ARMC8: variants seen among roughly 807,000 people sequenced by gnomAD.
ARMC8 encodes the protein armadillo repeat containing 8.
Under a neutral mutation model 99.3 loss-of-function variants are expected in ARMC8, and 20 were observed. The ratio of observed to expected loss-of-function variants is 0.20; its 90% CI spans 0.14 to 0.29. The LOEUF (loss-of-function observed/expected upper bound fraction) is 0.29, where lower values mean the gene tolerates loss of function less well. Ranked by LOEUF, ARMC8 falls within the 10% of genes least tolerant of loss-of-function variation. The pLI, the probability that ARMC8 is intolerant of heterozygous loss-of-function variation, is 1.00. For missense variants in ARMC8, 569 were observed against 809.5 expected (o/e 0.70, Z 3.60); for synonymous variants, 263 against 278.3 (o/e 0.95, Z 0.55).
chr3:138,275,834 C>T (rs932579726), intron 18 of ARMC8, among the ~76,000 whole-genome samples: 2 of 152,072 alleles, frequency 1.3e-5, no homozygotes, highest in African/African-American at 4.8e-5. Context: ...TACGTGATAT[C>T]TCTTAAAATT....
At chr3:138,263,563 G>C (rs2047965037) in intron 12 of ARMC8, 176 bp from the exon 13 acceptor site, 6 of 641,174 alleles carry the variant, frequency 9.4e-6, no homozygotes, top group East Asian at 2.7e-5. Context: ...TAGTGGGCTA[G>C]ACCTACCTTT....
rs1009592395 is a variant in ARMC8 at position 138,274,396 on chromosome 3, C to T, written c.1630-53C>T. 1.6e-5 allele frequency: 19 copies of T among 1,205,002 alleles called. 1 individual carries two copies. The highest frequency in any genetic ancestry group is 3.7e-5 in the Admixed American group (2 of 54,378). The allele number at this position is 1,205,002 out of a possible 1,614,324, so 74.6% of individuals were successfully genotyped here. A position where few individuals can be genotyped will look rare whatever the true frequency, so the allele number is the denominator to read the frequency against. On this transcript the variant is annotated intron_variant, in intron 17 of 21. Transcript: ENST00000469044. Reference sequence around the variant, plus strand: ...TTTTAACTTTTAGAAGCCTTGTATTCGTCCTGTGGTCTTTGTTTCTTTGAT... The same window carrying T: ...TTTTAACTTTTAGAAGCCTTGTATTTGTCCTGTGGTCTTTGTTTCTTTGAT...
intron 11 of ARMC8, among the ~76,000 whole-genome samples, chr3:138,244,373 G>T (rs1401558289): frequency 6.6e-6 from 1 of 152,104 alleles, no homozygotes. Context: ...TGCCTCCTGG[G>T]TTCACACCAT....
intron 19 of ARMC8, among the ~76,000 whole-genome samples, chr3:138,285,092 C>T (rs571925178): frequency 6.6e-6 from 1 of 152,344 alleles, no homozygotes; most frequent in East Asian, 1.9e-4. Context: ...TCTTCTCTAT[C>T]CCTGCCATGT....
At chr3:138,247,676 G>A (rs879312096) in intron 12 of ARMC8, among the ~76,000 whole-genome samples, 3 of 152,160 alleles carry the variant, frequency 2.0e-5, no homozygotes, top group East Asian at 3.8e-4. Flanking sequence ...GGAGAAGGAC[G>A]CTGGCCTCTC....
intron 11 of ARMC8, 103 bp downstream of exon 11, chr3:138,242,086 T>C: frequency 3.5e-6 from 3 of 863,282 alleles, no homozygotes; most frequent in Non-Finnish European, 5.4e-6. Context: ...TAAAGCCCTT[T>C]TAAATAAAGG....
chr3:138,223,321 T>C, intron 3 of ARMC8, 68 bp from the exon 4 acceptor site: 1 of 1,481,834 alleles, frequency 6.7e-7, no homozygotes, highest in East Asian at 2.3e-5. Context: ...CTGCACAGCC[T>C]TTTTTGGTCA....
intron 12 of ARMC8, among the ~76,000 whole-genome samples, chr3:138,250,168 C>T (rs1253965135): frequency 6.6e-6 from 1 of 152,028 alleles, no homozygotes; most frequent in Non-Finnish European, 1.5e-5. Flanking sequence ...AAGAATTTGT[C>T]TTCTATCCTC....
intron 1 of ARMC8, among the ~76,000 whole-genome samples, chr3:138,199,858 G>A (rs1428815452): frequency 6.6e-6 from 1 of 152,170 alleles, no homozygotes; most frequent in East Asian, 1.9e-4. Flanking sequence ...TGTACTTGGT[G>A]GCATTTTAGT....
intron 19 of ARMC8, among the ~76,000 whole-genome samples, chr3:138,286,666 T>C (rs1250974043): frequency 6.6e-6 from 1 of 152,192 alleles, no homozygotes; most frequent in Non-Finnish European, 1.5e-5. Context: ...AGATCTAGGG[T>C]TATAGCCTGG....
At chr3:138,242,408 T>A (rs908304086) in intron 11 of ARMC8, among the ~76,000 whole-genome samples, 1 of 152,226 alleles carries the variant, frequency 6.6e-6, no homozygotes, top group African/African-American at 2.4e-5. Context: ...TTGTTACCTT[T>A]CCCTATCTTC....
In ARMC8 at chr3:138,269,798, G is replaced by A. The variant is rs189227437; in HGVS notation, c.1387-242G>A. On this transcript the variant is annotated intron_variant, in intron 15 of 21. Transcript: ENST00000469044. ...TACAAGGATAAAAGGAAATGACAGA[G>A]TGGTTTGGTTTTGTTTTCTTTCTTT... Among the ~76,000 whole-genome samples, 187 of 149,548 alleles carry A rather than the reference G, an allele frequency of 1.3e-3. 1 individual carries two copies. Among genetic ancestry groups the A allele is most frequent in the African/African-American group, 4.5e-3 (184 of 40,796 alleles).
intron 1 of ARMC8, among the ~76,000 whole-genome samples, chr3:138,202,483 A>G (rs539825374): frequency 6.6e-6 from 1 of 152,278 alleles, no homozygotes; most frequent in East Asian, 1.9e-4. Context: ...CCCTTGTCAA[A>G]GCAAATTACC....
At chr3:138,259,204 T>C (rs774632061) in intron 12 of ARMC8, among the ~76,000 whole-genome samples, 1 of 152,222 alleles carries the variant, frequency 6.6e-6, no homozygotes, top group Admixed American at 6.5e-5. Flanking sequence ...TCCAATCCCA[T>C]GTTTGAAAAG....
chr3:138,247,336 G>A (rs2108201100), intron 12 of ARMC8, among the ~76,000 whole-genome samples: 1 of 152,178 alleles, frequency 6.6e-6, no homozygotes, highest in Non-Finnish European at 1.5e-5. Context: ...TGCTTGCCAA[G>A]ATGGAATTTC....
intron 1 of ARMC8, among the ~76,000 whole-genome samples, chr3:138,198,269 T>C (rs978643441): frequency 1.3e-5 from 2 of 152,180 alleles, no homozygotes; most frequent in East Asian, 3.9e-4. Context: ...GCTTTTCTTT[T>C]ATGAAAAAAG....
intron 10 of ARMC8, among the ~76,000 whole-genome samples, chr3:138,241,107 T>C (rs984262250): frequency 2.0e-5 from 3 of 152,196 alleles, no homozygotes; most frequent in African/African-American, 7.2e-5. Context: ...GAACCTAATG[T>C]AGATAAGTTA....
intron 21 of ARMC8, 56 bp downstream of exon 21, chr3:138,290,695 AG>A (rs1367221203): frequency 3.3e-6 from 4 of 1,218,084 alleles, no homozygotes; most frequent in Non-Finnish European, 4.7e-6. Context: ...CTTTCGTGAA[AG>A]GGTTTGAATT....
At chr3:138,261,678 C>T (rs2047758100) in intron 12 of ARMC8, 1 of 152,240 alleles carries the variant, frequency 6.6e-6, no homozygotes, top group African/African-American at 2.4e-5. Flanking sequence ...AGTTTGGACA[C>T]TTAAACGTCT....
Sources: gnomAD v4.1 joint callset for allele counts (sites outside exome capture counted in the v4.1 genomes callset) on GRCh38, gnomAD v4.1.1 for gene constraint, MANE v1.5 for transcripts, NCBI Gene and HGNC (gene_info 2026-07-23, HGNC 2026-07-21) for gene names.